The following STK24 variants were observed in gnomAD, a reference collection of about 807,000 sequenced individuals.
STK24 encodes the protein serine/threonine-protein kinase 24.
STK24 carries 21 observed loss-of-function variants against 55.6 expected under a neutral mutation model. The observed-to-expected ratio is 0.38, with a 90% CI of 0.27 to 0.54. The LOEUF (loss-of-function observed/expected upper bound fraction) is 0.54. Among genes scored for constraint, STK24 ranks in the 20% least tolerant of loss-of-function variants. STK24 has a pLI of 0.79. For synonymous variants in STK24, 200 were observed against 215.2 expected, an observed-to-expected ratio of 0.93 and a Z score of 0.62; for missense variants, 383 against 538.4, an observed-to-expected ratio of 0.71 and a Z score of 2.86.
intron 1 of STK24, among the ~76,000 whole-genome samples, chr13:98,571,017 G>A (rs555888135): frequency 6.6e-6 from 1 of 152,130 alleles, no homozygotes; most frequent in Non-Finnish European, 1.5e-5. Context: ...AGGTGGCTTG[G>A]GTGTGGTCCA....
chr13:98,538,244 G>C (rs1188619220), intron 1 of STK24, among the ~76,000 whole-genome samples: 1 of 16,128 alleles, frequency 6.2e-5, no homozygotes, highest in African/African-American at 1.6e-4. Flanking sequence ...TTTTTTTTTT[G>C]AGATGGAGTC....
At chr13:98,540,675 A>G (rs576769000) in intron 1 of STK24, among the ~76,000 whole-genome samples, 2 of 150,208 alleles carry the variant, frequency 1.3e-5, no homozygotes, top group South Asian at 2.2e-4. Flanking sequence ...CAACGTGTCC[A>G]TGAAGCTTGG....
At chr13:98,463,960 A>C (rs1245993177) in intron 6 of STK24, 124 bp from the exon 7 acceptor site, 26 of 1,144,760 alleles carry the variant, frequency 2.3e-5, no homozygotes, top group Non-Finnish European at 3.2e-5. Context: ...TCTCTACTCC[A>C]CAGCGCTTCT....
At chr13:98,519,216 G>T in intron 2 of STK24, 27 bp downstream of exon 2, 1 of 1,588,704 alleles carries the variant, frequency 6.3e-7, no homozygotes, top group Non-Finnish European at 8.6e-7. Flanking sequence ...GCTGCAGAAC[G>T]GAGAAGCACG....
intron 1 of STK24, among the ~76,000 whole-genome samples, chr13:98,557,885 AC>A (rs1233146072): frequency 6.6e-6 from 1 of 152,214 alleles, no homozygotes; most frequent in Non-Finnish European, 1.5e-5. Context: ...ATTTAAAGAC[AC>A]CATGCTTTTG....
chr13:98,566,908 AAG>A (rs1897588932), intron 1 of STK24, among the ~76,000 whole-genome samples: 2 of 152,246 alleles, frequency 1.3e-5, no homozygotes, highest in African/African-American at 4.8e-5. Flanking sequence ...TCTGGAGTTC[AAG>A]TGGCAGTTTA....
Position 98,448,387 on chromosome 13 carries a change from A to T in STK24, c.*4786T>A. On this transcript the variant is annotated 3_prime_UTR_variant, in exon 11 of 11. Transcript: ENST00000539966. ...CGTTTCCTTTCTTCTGTATTAATGAAGCCTGGTAAAATTAACACCTGTCTG... is the reference window on the plus strand; with the variant it reads ...CGTTTCCTTTCTTCTGTATTAATGATGCCTGGTAAAATTAACACCTGTCTG... 8.1e-7 allele frequency: 1 copy of T among 1,232,250 alleles called. No individual in the cohort carries two copies. The highest frequency in any genetic ancestry group is 2.3e-5 in the East Asian group (1 of 42,858). 76.3% of individuals were successfully genotyped at this position (1,232,250 alleles called of 1,614,324 possible). A position where few individuals can be genotyped will look rare whatever the true frequency, so the allele number is the denominator to read the frequency against.
chr13:98,492,950 A>G lies in STK24; in HGVS notation c.274-10629T>C, dbSNP rs77124961. ...AAATTCACAGACTATTAATTTCTAA[A>G]GGATTCCAGTAAGAAAAATACTTTG... On this transcript the variant is annotated intron_variant, in intron 2 of 10. Coordinates refer to ENST00000539966, the MANE Select transcript of STK24 (RefSeq NM_001032296.4). Among the ~76,000 whole-genome samples the G allele has an allele frequency of 7.7e-3, 1,180 of 152,380 alleles. 5 individuals carry two copies. Among genetic ancestry groups the G allele is most frequent in the Non-Finnish European group, 0.014 (960 of 68,042 alleles).
intron 1 of STK24, among the ~76,000 whole-genome samples, chr13:98,574,559 G>C (rs572992777): frequency 1.3e-5 from 2 of 152,154 alleles, no homozygotes; most frequent in African/African-American, 2.4e-5. Context: ...GAGGAGAAAA[G>C]AATGTTCTTC....
chr13:98,562,934 A>G (rs1331755408), intron 1 of STK24, among the ~76,000 whole-genome samples: 2 of 151,302 alleles, frequency 1.3e-5, no homozygotes, highest in East Asian at 3.8e-4. Flanking sequence ...AAAAAAAAAA[A>G]AAGGTAAAAA....
intron 1 of STK24, 66 bp downstream of exon 1, chr13:98,576,679 G>A: frequency 7.3e-7 from 1 of 1,366,262 alleles, no homozygotes; most frequent in Non-Finnish European, 9.7e-7. Flanking sequence ...ACGCCGTGTG[G>A]ATACCGCCAA....
chr13:98,446,803 G>A lies in STK24; in HGVS notation c.*6370C>T. The A allele has an allele frequency of 6.2e-7, 1 of 1,614,114 alleles. No individual in the cohort carries two copies. The highest frequency in any genetic ancestry group is 2.2e-5 in the East Asian group (1 of 44,856). On this transcript the variant is annotated 3_prime_UTR_variant, in exon 11 of 11. Transcript: ENST00000539966. ...TCTACTACTTCAGGGCGGAAAGCGAGTACACGTTCGAAAGGTAGACACCCC... is the reference window on the plus strand; with the variant it reads ...TCTACTACTTCAGGGCGGAAAGCGAATACACGTTCGAAAGGTAGACACCCC...
Position 98,448,943 on chromosome 13 carries a change from C to T in STK24, c.*4230G>A, listed in dbSNP as rs912497322. ...CCTGAAAACACCTGTTCCCAACCTA[C>T]TTCTTGGTGCAAGTTGACCAAATCG... is the stretch of plus-strand genomic sequence containing the variant. On this transcript the variant is annotated 3_prime_UTR_variant, in exon 11 of 11. Coordinates refer to ENST00000539966, the MANE Select transcript of STK24 (RefSeq NM_001032296.4). The T allele has an allele frequency of 3.9e-5, 6 of 152,262 alleles. No individual in the cohort carries two copies. Among genetic ancestry groups the T allele is most frequent in the African/African-American group, 1.4e-4 (6 of 41,452 alleles). The allele number at this position is 152,262 out of a possible 1,614,324, so 9.4% of individuals were successfully genotyped here.
At chr13:98,469,366 T>C (rs1894048617) in intron 5 of STK24, among the ~76,000 whole-genome samples, 1 of 152,124 alleles carries the variant, frequency 6.6e-6, no homozygotes, top group African/African-American at 2.4e-5. Context: ...CCGGCCAACA[T>C]GGCGAAACCC....
At chr13:98,494,412 C>CAAAAAAAAAAAAAAAAAAAAAAA (rs1162677599) in intron 2 of STK24, among the ~76,000 whole-genome samples, 1,099 of 66,432 alleles carry the variant, frequency 0.017, 118 homozygotes, top group Non-Finnish European at 0.025. Context: ...AGACTCGTCT[C>CAAAAAAAAAAAAAAAAAAAAAAA]AAAAAAAAAA....
chr13:98,507,184 G>T (rs1310070070), intron 2 of STK24, among the ~76,000 whole-genome samples: 2 of 152,218 alleles, frequency 1.3e-5, no homozygotes, highest in Non-Finnish European at 2.9e-5. Context: ...AATACCCTCT[G>T]TAGAAGGAGA....
intron 1 of STK24, 135 bp from the exon 2 acceptor site, chr13:98,519,608 C>G: frequency 1.4e-6 from 1 of 721,254 alleles, no homozygotes; most frequent in Non-Finnish European, 2.3e-6. Flanking sequence ...CAGCATCAGG[C>G]TGGTGGTGAC....
intron 3 of STK24, among the ~76,000 whole-genome samples, chr13:98,480,356 G>A (rs768574378): frequency 9.9e-5 from 15 of 152,150 alleles, no homozygotes; most frequent in Non-Finnish European, 2.9e-5. Context: ...AAACAACTTC[G>A]TATATGCTAC....
chr13:98,553,893 C>A (rs1318433580), intron 1 of STK24: 3 of 152,044 alleles, frequency 2.0e-5, no homozygotes, highest in Non-Finnish European at 4.4e-5. Flanking sequence ...AAAACCTCAC[C>A]TCTACTAAAA....
Sources: allele counts gnomAD v4.1 joint callset (sites outside exome capture counted in the v4.1 genomes callset), GRCh38; gene constraint gnomAD v4.1.1; transcripts MANE v1.5; gene names NCBI Gene and HGNC (gene_info 2026-07-23, HGNC 2026-07-21).